Variants in DIABLO observed in about 807,000 individuals in gnomAD.
DIABLO encodes diablo homolog, mitochondrial.
DIABLO carries 32 observed loss-of-function variants against 31.7 expected under a neutral mutation model. The observed-to-expected ratio is 1.01, with a 90% CI of 0.76 to 1.35. The LOEUF (loss-of-function observed/expected upper bound fraction) is 1.35, where lower values mean the gene tolerates loss of function less well. DIABLO is among the 40% of genes most tolerant of loss of function. The probability of loss-of-function intolerance (pLI) is 0.00; values close to 1 mark genes in which losing one functional copy is unlikely to be tolerated. For synonymous variants in DIABLO, 132 were observed against 103.2 expected (o/e 1.28, Z -1.69); for missense variants, 316 against 286.4 (o/e 1.10, Z -0.75).
chr12:122,224,681 C>T lies in DIABLO; in HGVS notation c.51-37G>A, dbSNP rs200927287. 90 of 1,614,062 alleles carry T rather than the reference C, an allele frequency of 5.6e-5. No homozygotes were observed. In the African/African-American group the frequency reaches 9.1e-4, roughly 16 times the overall value. On this transcript the variant is annotated intron_variant, in intron 1 of 5. Transcript: ENST00000464942. ...AGTCAGATTTCATAAGGCACGACCGCCAATCTGTAACAGGCTCTTGGATTT... is the reference window on the plus strand; with the variant it reads ...AGTCAGATTTCATAAGGCACGACCGTCAATCTGTAACAGGCTCTTGGATTT...
intron 3 of DIABLO, 73 bp from the exon 4 acceptor site, chr12:122,216,942 T>C: frequency 7.6e-7 from 1 of 1,321,070 alleles, no homozygotes; most frequent in Non-Finnish European, 1.1e-6. Flanking sequence ...GATTTCCACC[T>C]CAAGGAAATT....
chr12:122,213,113 C>T (rs1173041547), intron 5 of DIABLO, among the ~76,000 whole-genome samples: 1 of 152,054 alleles, frequency 6.6e-6, no homozygotes, highest in Non-Finnish European at 1.5e-5. Flanking sequence ...AGGGTTTCAT[C>T]GTGTTGTCAA....
At chr12:122,219,755 T>C (rs35422129) in intron 2 of DIABLO, among the ~76,000 whole-genome samples, 11,122 of 150,478 alleles carry the variant, frequency 0.074, 488 homozygotes, top group Middle Eastern at 0.13. Flanking sequence ...CCCAGCTACT[T>C]GAGAGGCTGA....
At chr12:122,226,796 G>C, upstream of DIABLO, 1 of 530,458 alleles carries the variant, frequency 1.9e-6, no homozygotes, top group Non-Finnish European at 3.3e-6. Context: ...GGCTGAGGAG[G>C]CAGAAGCCCG....
At chr12:122,220,793 A>C (rs1954318403) in intron 2 of DIABLO, 1 of 152,264 alleles carries the variant, frequency 6.6e-6, no homozygotes, top group African/African-American at 2.4e-5. Flanking sequence ...TGATATGAAC[A>C]AATCAAGAAC....
At position 122,207,725 on chromosome 12, in the gene DIABLO, T is replaced by C. The variant is rs141979574; in HGVS notation, c.*656A>G. ...AAACAAAATCTTACACTCTTCTCCT[T>C]TGGATACAATAGAGAAACGGAAAGA... On this transcript the variant is annotated 3_prime_UTR_variant, in exon 6 of 6. Coordinates refer to ENST00000464942, the MANE Select transcript of DIABLO (RefSeq NM_001371333.1). 179 of 519,270 alleles carry C rather than the reference T, an allele frequency of 3.4e-4. 2 individuals are homozygous for C. Among genetic ancestry groups the C allele is most frequent in the African/African-American group, 3.1e-3 (163 of 52,662 alleles). 32.2% of individuals were successfully genotyped at this position (519,270 alleles called of 1,614,324 possible).
intron 2 of DIABLO, chr12:122,221,220 G>A (rs1013035610): frequency 2.0e-5 from 3 of 152,186 alleles, no homozygotes; most frequent in Admixed American, 1.3e-4. Flanking sequence ...ATAGAGGTGA[G>A]ACTTGGTACT....
In DIABLO at chr12:122,210,425, T is replaced by C. The variant is rs560193229; in HGVS notation, c.524-1848A>G. 6.9e-5 allele frequency among the ~76,000 whole-genome samples: 10 copies of C among 144,160 alleles called. No homozygotes were observed. In the East Asian group the frequency reaches 8.2e-4, roughly 12 times the overall value. 94.6% of individuals were successfully genotyped at this position (144,160 alleles called of 152,430 possible). On this transcript the variant is annotated intron_variant, in intron 5 of 5. Coordinates refer to ENST00000464942, the MANE Select transcript of DIABLO (RefSeq NM_001371333.1). ...GTCTCACTTATCACCCAGGCTGGAGTGCAGTGGCGCGATCTCGGCTCACTG... is the reference window on the plus strand; with the variant it reads ...GTCTCACTTATCACCCAGGCTGGAGCGCAGTGGCGCGATCTCGGCTCACTG...
chr12:122,214,949 C>T (rs1954173306), intron 5 of DIABLO, among the ~76,000 whole-genome samples: 2 of 152,178 alleles, frequency 1.3e-5, no homozygotes. Flanking sequence ...AAGTGATCCG[C>T]CCTCCTTGGC....
Position 122,208,294 on chromosome 12 carries a change from A to T in DIABLO, c.*87T>A. Reference sequence around the variant, plus strand: ...AGGATCTGCCGCCTCTTCTCGGTGCACAGACAGTCATGCCAACCCTGGGCA... The same window carrying T: ...AGGATCTGCCGCCTCTTCTCGGTGCTCAGACAGTCATGCCAACCCTGGGCA... On this transcript the variant is annotated 3_prime_UTR_variant, in exon 6 of 6. Coordinates refer to ENST00000464942, the MANE Select transcript of DIABLO (RefSeq NM_001371333.1). The T allele has an allele frequency of 6.6e-7, 1 of 1,509,676 alleles. No homozygotes were observed. Among genetic ancestry groups the T allele is most frequent in the Non-Finnish European group, 9.1e-7 (1 of 1,097,494 alleles). 93.5% of individuals were successfully genotyped at this position (1,509,676 alleles called of 1,614,324 possible). A position where few individuals can be genotyped will look rare whatever the true frequency, so the allele number is the denominator to read the frequency against.
intron 5 of DIABLO, among the ~76,000 whole-genome samples, chr12:122,211,554 A>AG (rs959704022): frequency 3.3e-5 from 5 of 151,994 alleles, no homozygotes; most frequent in African/African-American, 9.7e-5. Flanking sequence ...TAAAAAAAAA[A>AG]AAGAAAATTA....
At chr12:122,213,507 GAAAAAAAA>G (rs368276624) in intron 5 of DIABLO, among the ~76,000 whole-genome samples, 1 of 136,556 alleles carries the variant, frequency 7.3e-6, no homozygotes, top group African/African-American at 2.8e-5. Flanking sequence ...TTGTCTCAGG[GAAAAAAAA>G]AAAAAAAATT....
chr12:122,226,592 C>A (rs748495877), upstream of DIABLO: 3 of 687,844 alleles, frequency 4.4e-6, no homozygotes, highest in South Asian at 4.5e-5. Context: ...CCAGGACGGT[C>A]GGCGGCCTGC....
At chr12:122,225,050 T>C (rs1456782842) in intron 1 of DIABLO, 5 of 360,486 alleles carry the variant, frequency 1.4e-5, no homozygotes, top group South Asian at 9.0e-5. Flanking sequence ...CCATCTCTAC[T>C]TAAAACACAA....
chr12:122,220,331 A>G (rs1338489102), intron 2 of DIABLO, among the ~76,000 whole-genome samples: 1 of 152,132 alleles, frequency 6.6e-6, no homozygotes, highest in African/African-American at 2.4e-5. Context: ...AAATACTGGC[A>G]ACTGTAATGA....
At chr12:122,216,642 G>A (rs1261539863) in intron 4 of DIABLO, 58 bp from the exon 5 acceptor site, 1 of 1,567,088 alleles carries the variant, frequency 6.4e-7, no homozygotes, top group African/African-American at 1.3e-5. Context: ...CATTTAAATG[G>A]ACTTAAAGTA....
upstream of DIABLO, chr12:122,226,495 A>G: frequency 1.4e-6 from 1 of 698,942 alleles, no homozygotes; most frequent in Non-Finnish European, 2.6e-6. Context: ...AGCACCGTGT[A>G]GCTGAGGAGC....
intron 1 of DIABLO, 168 bp from the exon 2 acceptor site, chr12:122,224,812 G>A (rs1954414987): frequency 6.5e-7 from 1 of 1,528,292 alleles, no homozygotes. Flanking sequence ...AGTTTAAAAT[G>A]TTGCCTCAGG....
intron 2 of DIABLO, among the ~76,000 whole-genome samples, chr12:122,220,349 T>C (rs1292618397): frequency 6.6e-6 from 1 of 152,132 alleles, no homozygotes; most frequent in Non-Finnish European, 1.5e-5. Context: ...TGACACATCC[T>C]CCCTGACTCT....
Sources: gnomAD v4.1 joint callset for allele counts (sites outside exome capture counted in the v4.1 genomes callset) on GRCh38, gnomAD v4.1.1 for gene constraint, MANE v1.5 for transcripts, NCBI Gene and HGNC (gene_info 2026-07-23, HGNC 2026-07-21) for gene names.